Variants in STK32B observed in about 807,000 individuals in gnomAD.
STK32B encodes the protein serine/threonine-protein kinase 32B.
STK32B carries 43 observed loss-of-function variants against 52.6 expected under a neutral mutation model. The ratio of observed to expected loss-of-function variants is 0.82; its 90% CI spans 0.64 to 1.05. The LOEUF is 1.05. STK32B is among the 50% of genes least tolerant of loss of function. The probability of loss-of-function intolerance (pLI) is 0.00; values close to 1 mark genes in which losing one functional copy is unlikely to be tolerated. For missense variants in STK32B, 621 were observed against 534.6 expected, an observed-to-expected ratio of 1.16 and a Z score of -1.59; for synonymous variants, 238 against 204.3, an observed-to-expected ratio of 1.17 and a Z score of -1.41.
At position 5,106,530 on chromosome 4, in the gene STK32B, A is replaced by G. The variant is rs571204615; in HGVS notation, c.53-33375A>G. The stretch of plus-strand genomic sequence containing the variant: ...GAATAGATTTTTGCAGAGGTGTGAA[A>G]TAGAGGTCTTTATCACACTTAATAA... On this transcript the variant is annotated intron_variant, in intron 1 of 11. Transcript: ENST00000282908. 3.3e-5 allele frequency among the ~76,000 whole-genome samples: 5 copies of G among 152,284 alleles called. No homozygotes were observed. In the East Asian group the frequency reaches 9.6e-4, roughly 29 times the overall value.
chr4:5,202,749 T>A (rs1159359013), intron 3 of STK32B, among the ~76,000 whole-genome samples: 1 of 152,238 alleles, frequency 6.6e-6, no homozygotes, highest in African/African-American at 2.4e-5. Flanking sequence ...TAAAGCTGCA[T>A]GGCAGCCCCA....
chr4:5,271,193 C>A (rs1050540661), intron 3 of STK32B, among the ~76,000 whole-genome samples: 4 of 152,180 alleles, frequency 2.6e-5, no homozygotes, highest in African/African-American at 4.8e-5. Context: ...GCCTTGACCT[C>A]CCAAAGTGCT....
intron 1 of STK32B, among the ~76,000 whole-genome samples, chr4:5,088,158 A>T (rs1286634017): frequency 6.6e-6 from 1 of 152,136 alleles, no homozygotes; most frequent in African/African-American, 2.4e-5. Flanking sequence ...AGATTCACCA[A>T]TATGTGGAAA....
intron 6 of STK32B, among the ~76,000 whole-genome samples, chr4:5,420,320 C>CT (rs1021172795): frequency 1.3e-5 from 2 of 152,078 alleles, no homozygotes; most frequent in South Asian, 4.2e-4. Flanking sequence ...TCCAACAAGG[C>CT]TTTTTTTGTT....
intron 3 of STK32B, among the ~76,000 whole-genome samples, chr4:5,169,388 G>A (rs1033187720): frequency 6.6e-6 from 1 of 152,184 alleles, no homozygotes; most frequent in East Asian, 1.9e-4. Flanking sequence ...ATTTCATTCA[G>A]CGGATCAGTT....
intron 11 of STK32B, among the ~76,000 whole-genome samples, chr4:5,491,516 C>A (rs1457611891): frequency 2.6e-5 from 4 of 151,762 alleles, no homozygotes; most frequent in Non-Finnish European, 4.4e-5. Flanking sequence ...AATTTTCTCC[C>A]ATTTTGTAGG....
At chr4:5,216,248 G>C (rs1447296748) in intron 3 of STK32B, among the ~76,000 whole-genome samples, 1 of 152,124 alleles carries the variant, frequency 6.6e-6, no homozygotes, top group Non-Finnish European at 1.5e-5. Context: ...GATGCTGCTG[G>C]TCTGGGGAGC....
intron 1 of STK32B, among the ~76,000 whole-genome samples, chr4:5,111,240 G>C (rs923417028): frequency 5.9e-5 from 9 of 152,142 alleles, no homozygotes; most frequent in African/African-American, 2.2e-4. Flanking sequence ...ATGACCATTT[G>C]ACTCAACAAC....
intron 1 of STK32B, among the ~76,000 whole-genome samples, chr4:5,136,964 A>G (rs1001917382): frequency 1.3e-5 from 2 of 152,150 alleles, no homozygotes; most frequent in Middle Eastern, 3.2e-3. Context: ...AGTTTCCCCA[A>G]AGGAGCCCAC....
intron 2 of STK32B, among the ~76,000 whole-genome samples, chr4:5,156,442 C>T (rs1384182424): frequency 6.6e-6 from 1 of 152,164 alleles, no homozygotes; most frequent in African/African-American, 2.4e-5. Flanking sequence ...CACAGACACT[C>T]CTCTATTTCC....
intron 1 of STK32B, among the ~76,000 whole-genome samples, chr4:5,082,775 A>G (rs1712509794): frequency 6.6e-6 from 1 of 152,192 alleles, no homozygotes; most frequent in Non-Finnish European, 1.5e-5. Context: ...CAAAGTTAAA[A>G]AACTCCACTA....
At chr4:5,033,860 G>A in the STK32B span, among the ~76,000 whole-genome samples, 123,913 of 152,174 alleles carry the variant, frequency 0.81, 50,769 homozygotes, top group East Asian at 1. Flanking sequence ...AACATTCTTT[G>A]TGGTAGGGGA....
At chr4:5,359,385 C>CAACCACTCT (rs1560350472) in intron 4 of STK32B, among the ~76,000 whole-genome samples, 1 of 148,494 alleles carries the variant, frequency 6.7e-6, no homozygotes. Context: ...CCAACCCTCC[C>CAACCACTCT]TCCCTCCCTC....
At chr4:5,274,833 G>C (rs867244175) in intron 3 of STK32B, among the ~76,000 whole-genome samples, 22 of 152,110 alleles carry the variant, frequency 1.4e-4, no homozygotes, top group Admixed American at 2.6e-4. Context: ...CAGACCCGCC[G>C]CTGACTTTCA....
chr4:5,466,086 C>A (rs1270037602), intron 9 of STK32B, among the ~76,000 whole-genome samples: 1 of 152,164 alleles, frequency 6.6e-6, no homozygotes, highest in Non-Finnish European at 1.5e-5. Context: ...GCACCTGGGG[C>A]CATCATCTGG....
chr4:5,485,402 C>A (rs984197301), intron 11 of STK32B, among the ~76,000 whole-genome samples: 9 of 152,086 alleles, frequency 5.9e-5, no homozygotes, highest in Admixed American at 4.6e-4. Context: ...CTTGTGCATT[C>A]GTCATGTAGT....
rs577373809 is a variant in STK32B, at chr4:5,313,061, A to G, written c.261-18159A>G. On this transcript the variant is annotated intron_variant, in intron 3 of 11. Transcript: ENST00000282908. ...AACATAGCTCATGAATATAGATGCA[A>G]AAATCTCAACAAAAATATTATTAGG... Among the ~76,000 whole-genome samples the G allele has an allele frequency of 3.3e-5, 5 of 151,862 alleles. No individual in the cohort carries two copies. In the East Asian group the frequency reaches 9.8e-4, roughly 30 times the overall value.
At chr4:5,122,029 C>G (rs1040086502) in intron 1 of STK32B, among the ~76,000 whole-genome samples, 16 of 152,214 alleles carry the variant, frequency 1.1e-4, no homozygotes, top group African/African-American at 3.9e-4. Flanking sequence ...TCCACCCATT[C>G]ACTCACTCAT....
At chr4:5,187,616 G>C (rs989252860) in intron 3 of STK32B, among the ~76,000 whole-genome samples, 1 of 151,756 alleles carries the variant, frequency 6.6e-6, no homozygotes, top group African/African-American at 2.4e-5. Context: ...GCAGGGGCCG[G>C]GCGGGGGAGG....
Sources: allele counts gnomAD v4.1 joint callset (sites outside exome capture counted in the v4.1 genomes callset), GRCh38; gene constraint gnomAD v4.1.1; transcripts MANE v1.5; gene names NCBI Gene and HGNC (gene_info 2026-07-23, HGNC 2026-07-21).